Variants in SMYD4 observed in about 807,000 individuals in gnomAD.
SMYD4 encodes SET and MYND domain containing 4.
SMYD4 carries 68 observed loss-of-function variants against 72.8 expected under a neutral mutation model. That is an observed-to-expected ratio of 0.93 (90% confidence interval 0.77 to 1.14). The LOEUF (loss-of-function observed/expected upper bound fraction) is 1.14, where lower values mean the gene tolerates loss of function less well. Among genes scored for constraint, SMYD4 ranks in the 50% most tolerant of loss-of-function variants. SMYD4 has a pLI of 0.00. For missense variants in SMYD4, 984 were observed against 1,003.7 expected, an observed-to-expected ratio of 0.98 and a Z score of 0.27; for synonymous variants, 407 against 388.6, an observed-to-expected ratio of 1.05 and a Z score of -0.56.
rs1301236782 is a variant in SMYD4 at position 1,786,804 on chromosome 17, A to G, written c.1884+6T>C. ...GAAAAGTGGAGGAGACAGAAGAGAGAATTACCTGCATGGGCGCTCCGCAAC... is the reference window on the plus strand; with the variant it reads ...GAAAAGTGGAGGAGACAGAAGAGAGGATTACCTGCATGGGCGCTCCGCAAC... On this transcript the variant is annotated splice_donor_region_variant and intron_variant, in intron 7 of 10. Transcript: ENST00000305513. 7 of 1,613,990 alleles carry G rather than the reference A, an allele frequency of 4.3e-6. No homozygotes were observed. The African/African-American group carries it at 6.7e-5, about 15-fold the overall frequency.
At chr17:1,801,104 C>A (rs34564270) in intron 4 of SMYD4, 80 bp from the exon 5 acceptor site, 256,291 of 1,336,448 alleles carry the variant, frequency 0.19, 25,407 homozygotes, top group Middle Eastern at 0.21. Flanking sequence ...CAAAAATCTA[C>A]AGGAAAGTTA....
In SMYD4 at chr17:1,786,949, AC is replaced by A. The variant is rs1263699192; in HGVS notation, c.1744del (p.Val582LeufsTer8). 3.1e-6 allele frequency: 5 copies of A among 1,613,876 alleles called. No individual in the cohort carries two copies. The highest frequency in any genetic ancestry group is 3.4e-6 in the Non-Finnish European group (4 of 1,180,026). ...CCTCAGCTTCTGCTGCCTTTCGGCA[AC>A]CCCCATCCGGCTCTTGTGAGGCCCT... Reference protein sequence around the residue: ...CYGPHKSRMGVAERQQKLRSQ... With the variant: ...CYGPHKSRMGXAERQQKLRSQ... On this transcript the variant is annotated frameshift_variant, in exon 7 of 11. Coordinates refer to ENST00000305513, the MANE Select transcript of SMYD4 (RefSeq NM_052928.3). LOFTEE classifies it high-confidence loss of function.
chr17:1,798,827 A>T (rs1475951468), intron 5 of SMYD4, among the ~76,000 whole-genome samples: 1 of 151,856 alleles, frequency 6.6e-6, no homozygotes, highest in African/African-American at 2.4e-5. Context: ...TGAACCTGGG[A>T]GGTGGAGGCT....
rs552856861 is a variant in SMYD4, at chr17:1,801,130, T to C, written c.370-106A>G. 183 of 1,049,828 alleles carry C rather than the reference T, an allele frequency of 1.7e-4. 6 individuals are homozygous for C. The South Asian group carries it at 2.9e-3, about 16-fold the overall frequency. 65.0% of individuals were successfully genotyped at this position (1,049,828 alleles called of 1,614,324 possible). A position where few individuals can be genotyped will look rare whatever the true frequency, so the allele number is the denominator to read the frequency against. ...AGGAAAGTTAAGGATTATTAAAAAA[T>C]GGAACAATTACAACCACATGCTTAT... is the stretch of plus-strand genomic sequence containing the variant. On this transcript the variant is annotated intron_variant, in intron 4 of 10. Coordinates refer to ENST00000305513, the MANE Select transcript of SMYD4 (RefSeq NM_052928.3).
At chr17:1,784,583 A>G in intron 7 of SMYD4, 122 bp from the exon 8 acceptor site, 1 of 1,492,048 alleles carries the variant, frequency 6.7e-7, no homozygotes, top group Non-Finnish European at 8.9e-7. Flanking sequence ...TCCTGTAACA[A>G]TACATCGTGA....
At chr17:1,815,551 T>C (rs1468284039) in intron 2 of SMYD4, among the ~76,000 whole-genome samples, 1 of 150,224 alleles carries the variant, frequency 6.7e-6, no homozygotes, top group African/African-American at 2.5e-5. Context: ...GATAAAAAAA[T>C]TGAGGCTGAG....
chr17:1,823,874 G>A (rs192594402), intron 2 of SMYD4, among the ~76,000 whole-genome samples: 1 of 152,284 alleles, frequency 6.6e-6, no homozygotes, highest in East Asian at 1.9e-4. Flanking sequence ...ACTAGATGGA[G>A]AGAATCTGTC....
At chr17:1,824,666 C>G (rs1476389399) in intron 2 of SMYD4, among the ~76,000 whole-genome samples, 1 of 152,116 alleles carries the variant, frequency 6.6e-6, no homozygotes, top group African/African-American at 2.4e-5. Flanking sequence ...GTTGCCCAGG[C>G]TGGAGAGCAG....
intron 5 of SMYD4, among the ~76,000 whole-genome samples, chr17:1,798,789 A>G (rs1909541655): frequency 6.6e-6 from 1 of 151,760 alleles, no homozygotes; most frequent in African/African-American, 2.4e-5. Flanking sequence ...AATCTCAGCT[A>G]CTTGGGAGGC....
At chr17:1,795,101 T>C (rs1909321175) in intron 5 of SMYD4, among the ~76,000 whole-genome samples, 1 of 152,202 alleles carries the variant, frequency 6.6e-6, no homozygotes, top group Non-Finnish European at 1.5e-5. Flanking sequence ...CTTTCTAAAA[T>C]GACTGGGAAA....
At chr17:1,801,592 G>T (rs113362285) in intron 4 of SMYD4, among the ~76,000 whole-genome samples, 2 of 100,416 alleles carry the variant, frequency 2.0e-5, no homozygotes, top group African/African-American at 7.6e-5. Flanking sequence ...ATGAATAGAA[G>T]AATTATAGCA....
At chr17:1,798,137 ATT>A (rs935240097) in intron 5 of SMYD4, among the ~76,000 whole-genome samples, 1 of 142,268 alleles carries the variant, frequency 7.0e-6, no homozygotes, top group Non-Finnish European at 1.5e-5. Flanking sequence ...TTGTGCATGT[ATT>A]TTTTTTTTTT....
rs557796324 is a variant in SMYD4 at position 1,780,131 on chromosome 17, G to A, written c.*1155C>T. The stretch of plus-strand genomic sequence containing the variant: ...AAATAGGTGTCTCTCTGACTGCAAC[G>A]GTTTGAGTCCTCCTCAGCCCTCATA... On this transcript the variant is annotated 3_prime_UTR_variant, in exon 11 of 11. Transcript: ENST00000305513. 2 of 152,186 alleles carry A rather than the reference G, an allele frequency of 1.3e-5. No homozygotes were observed. The highest frequency in any genetic ancestry group is 4.8e-5 in the African/African-American group (2 of 41,450). 9.4% of individuals were successfully genotyped at this position (152,186 alleles called of 1,614,324 possible).
At chr17:1,785,966 T>C (rs983305547) in intron 7 of SMYD4, among the ~76,000 whole-genome samples, 8 of 152,170 alleles carry the variant, frequency 5.3e-5, no homozygotes, top group Admixed American at 3.9e-4. Context: ...AAGGCCGATA[T>C]CTATTTTCTC....
rs578111178 is a variant in SMYD4, at chr17:1,806,253, T to C, written c.280-1538A>G. On this transcript the variant is annotated intron_variant, in intron 3 of 10. Coordinates refer to ENST00000305513, the MANE Select transcript of SMYD4 (RefSeq NM_052928.3). The stretch of plus-strand genomic sequence containing the variant: ...AGTGCTGGAAGAACTGTAGAAAGCA[T>C]GTAAAGTATTGCTGGACGAATCCCT... Among the ~76,000 whole-genome samples the C allele has an allele frequency of 1.3e-4, 20 of 152,262 alleles. No homozygotes were observed. The South Asian group carries it at 4.1e-3, about 32-fold the overall frequency.
chr17:1,798,795 G>A (rs578160316), intron 5 of SMYD4, among the ~76,000 whole-genome samples: 3 of 152,130 alleles, frequency 2.0e-5, no homozygotes, highest in East Asian at 1.9e-4. Flanking sequence ...AGCTACTTGG[G>A]AGGCTGAGCA....
chr17:1,826,887 A>C (rs2151258216), intron 2 of SMYD4, among the ~76,000 whole-genome samples: 1 of 152,282 alleles, frequency 6.6e-6, no homozygotes, highest in Non-Finnish European at 1.5e-5. Flanking sequence ...ACAGTGGCTC[A>C]TGCCTGTAAT....
At position 1,786,844 on chromosome 17, in the gene SMYD4, G is replaced by C. The variant is rs1323559031; in HGVS notation, c.1850C>G (p.Ala617Gly). ...CGCTCCGCAACTGTTGCAACAGAAT[G>C]CTTCCCACCTGGGCCCTGCAGCCAT... The part of the protein sequence containing the change: ...HRMAAGPRWE[A>G]FCCNSCGAPM... Residue 617 changes from alanine (A) to glycine (G), a missense_variant, in exon 7 of 11, where the codon GCA (alanine) becomes GGA (glycine). Transcript: ENST00000305513. 1.2e-6 allele frequency: 2 copies of C among 1,614,222 alleles called. No homozygotes were observed. The highest frequency in any genetic ancestry group is 2.2e-5 in the East Asian group (1 of 44,882).
intron 4 of SMYD4, 183 bp downstream of exon 4, chr17:1,804,443 C>A: frequency 2.0e-6 from 1 of 503,934 alleles, no homozygotes; most frequent in Non-Finnish European, 3.6e-6. Flanking sequence ...TCCCAAAGTG[C>A]TGAGATTACA....
Sources: gnomAD v4.1 joint callset for allele counts (sites outside exome capture counted in the v4.1 genomes callset) on GRCh38, gnomAD v4.1.1 for gene constraint, MANE v1.5 for transcripts, NCBI Gene and HGNC (gene_info 2026-07-23, HGNC 2026-07-21) for gene names.